The following TPP2 variants were observed in gnomAD, a reference collection of about 807,000 sequenced individuals.
TPP2 encodes the protein tripeptidyl peptidase 2.
A neutral mutation model predicts 155.9 loss-of-function variants in TPP2; 34 were observed. The observed-to-expected ratio is 0.22, with a 90% confidence interval of 0.17 to 0.29. The LOEUF is 0.29. TPP2 is among the 10% of genes least tolerant of loss of function. The pLI is 1.00. For synonymous variants in TPP2, 510 were observed against 529.4 expected (o/e 0.96, Z 0.50); for missense variants, 1,028 against 1,522.3 (o/e 0.68, Z 5.40).
intron 25 of TPP2, 122 bp from the exon 26 acceptor site, chr13:102,663,520 ATACTTG>A: frequency 1.6e-6 from 1 of 623,922 alleles, no homozygotes. Context: ...GTCAATGACT[ATACTTG>A]TATTTCAAAT....
chr13:102,657,416 T>C (rs572650284), intron 25 of TPP2, among the ~76,000 whole-genome samples: 20 of 151,900 alleles, frequency 1.3e-4, no homozygotes, highest in African/African-American at 4.1e-4. Flanking sequence ...TGTTTTAATT[T>C]TTATTTTAAT....
intron 25 of TPP2, 78 bp downstream of exon 25, chr13:102,657,285 C>T (rs1883922654): frequency 8.4e-7 from 1 of 1,185,606 alleles, no homozygotes; most frequent in African/African-American, 1.6e-5. Context: ...TGTATATATA[C>T]ATAGACCGTA....
At chr13:102,676,645 C>G (rs1026900044) in intron 29 of TPP2, among the ~76,000 whole-genome samples, 1 of 152,132 alleles carries the variant, frequency 6.6e-6, no homozygotes, top group Non-Finnish European at 1.5e-5. Flanking sequence ...ATACTAGCCT[C>G]AAATGTTTTC....
intron 1 of TPP2, among the ~76,000 whole-genome samples, chr13:102,602,590 C>A (rs1879510260): frequency 6.6e-6 from 1 of 152,166 alleles, no homozygotes; most frequent in African/African-American, 2.4e-5. Flanking sequence ...GGTCCACCAA[C>A]CACCCATTTG....
At position 102,618,846 on chromosome 13, in the gene TPP2, G is replaced by A; in HGVS notation, c.620G>A (p.Arg207Lys). 6.3e-7 allele frequency: 1 copy of A among 1,599,302 alleles called. No individual in the cohort carries two copies. The change falls in exon 5 of 30, where the codon AGA becomes AAA. Residue 207 changes from arginine (R) to lysine (K), a missense_variant and splice_region_variant. Physicochemically the swap from Arg to Lys is conservative, Grantham distance 26. Around this residue, in one of 7 missense-constraint regions of TPP2, gnomAD observed 300 missense variants for 398.3 expected, o/e 0.75. Transcript: ENST00000376052. ...GTATGGCATGATGGCGAAGTCTGGAGGTAAACTTCGTGTATTTTATACATC... is the reference window on the plus strand; with the variant it reads ...GTATGGCATGATGGCGAAGTCTGGAAGTAAACTTCGTGTATTTTATACATC... ...CLVWHDGEVWRACIDSNEDGD... is the reference protein window; with the variant it reads ...CLVWHDGEVWKACIDSNEDGD...
rs190333415 is a variant in TPP2, at chr13:102,610,171, A to G, written c.295-3930A>G. 2.4e-3 allele frequency among the ~76,000 whole-genome samples: 362 copies of G among 152,354 alleles called. 1 individual carries two copies. The highest frequency in any genetic ancestry group is 4.2e-3 in the Non-Finnish European group (289 of 68,024). Reference sequence around the variant, plus strand: ...CTTTAGTACATAGTTTTCAGAAAGCAGCACAATGAAGTCTTCAAGTTTCTT... The same window carrying G: ...CTTTAGTACATAGTTTTCAGAAAGCGGCACAATGAAGTCTTCAAGTTTCTT... On this transcript the variant is annotated intron_variant, in intron 2 of 29. Transcript: ENST00000376052.
intron 11 of TPP2, 57 bp from the exon 12 acceptor site, chr13:102,635,530 C>A: frequency 8.1e-7 from 1 of 1,241,148 alleles, no homozygotes. Context: ...TACTGGTGGG[C>A]GGCTAAGGTT....
chr13:102,645,845 G>C (rs1345959180), intron 19 of TPP2, among the ~76,000 whole-genome samples: 1 of 152,090 alleles, frequency 6.6e-6, no homozygotes. Context: ...ACATTCCCTC[G>C]GCCAGGAGGA....
At chr13:102,628,065 T>C in intron 8 of TPP2, 141 bp downstream of exon 8, 1 of 674,336 alleles carries the variant, frequency 1.5e-6, no homozygotes, top group Non-Finnish European at 2.5e-6. Flanking sequence ...CAAGAGGACT[T>C]TCATCCTCTT....
At position 102,640,471 on chromosome 13, in the gene TPP2, C is replaced by T. The variant is rs1882678553; in HGVS notation, c.2020+95C>T. On this transcript the variant is annotated intron_variant, in intron 16 of 29. Transcript: ENST00000376052. ...TTCGTTTATCTGTAGCATGTATTTC[C>T]CTGGTACTAATATATGTATTTGGGT... is the stretch of plus-strand genomic sequence containing the variant. 4 of 932,124 alleles carry T rather than the reference C, an allele frequency of 4.3e-6. No individual in the cohort carries two copies. The South Asian group carries it at 4.5e-5, about 11-fold the overall frequency. The allele number at this position is 932,124 out of a possible 1,614,324, so 57.7% of individuals were successfully genotyped here. A position where few individuals can be genotyped will look rare whatever the true frequency, so the allele number is the denominator to read the frequency against.
intron 21 of TPP2, 103 bp from the exon 22 acceptor site, chr13:102,648,804 A>C: frequency 7.0e-7 from 1 of 1,423,818 alleles, no homozygotes; most frequent in South Asian, 1.5e-5. Flanking sequence ...CTCACATATT[A>C]TGAACAAGTC....
Position 102,678,835 on chromosome 13 carries a change from A to T in TPP2, c.*519A>T, listed in dbSNP as rs553314985. ...TTTTTTTTGGCAAATGTTTACATTC[A>T]ATTAAGGGGAAAAAGTAGAACCAGC... On this transcript the variant is annotated 3_prime_UTR_variant, in exon 30 of 30. Transcript: ENST00000376052. The T allele has an allele frequency of 4.1e-5, 6 of 144,972 alleles. No homozygotes were observed. The highest frequency in any genetic ancestry group is 1.6e-4 in the African/African-American group (6 of 38,618). 9.0% of individuals were successfully genotyped at this position (144,972 alleles called of 1,614,324 possible). A position where few individuals can be genotyped will look rare whatever the true frequency, so the allele number is the denominator to read the frequency against.
At chr13:102,631,038 G>T (rs779158269) in intron 10 of TPP2, among the ~76,000 whole-genome samples, 8 of 152,188 alleles carry the variant, frequency 5.3e-5, no homozygotes, top group Non-Finnish European at 1.0e-4. Context: ...TGACCTTAAA[G>T]GATGGATAGG....
In TPP2 at chr13:102,676,030, A is replaced by G. The variant is rs1054028558; in HGVS notation, c.3580-266A>G. Among the ~76,000 whole-genome samples, 4 of 152,190 alleles carry G rather than the reference A, an allele frequency of 2.6e-5. No individual in the cohort carries two copies. In the East Asian group the frequency reaches 7.7e-4, roughly 29 times the overall value. ...TTATGTTAGCTCTGGTTTCTTGTGC[A>G]TGAAGAGGTATTTTTAAGTGGATTT... On this transcript the variant is annotated intron_variant, in intron 28 of 29. Transcript: ENST00000376052.
intron 23 of TPP2, among the ~76,000 whole-genome samples, chr13:102,650,248 A>G (rs1745656489): frequency 6.6e-6 from 1 of 152,142 alleles, no homozygotes; most frequent in Non-Finnish European, 1.5e-5. Context: ...TGTCATTCTT[A>G]ACAGTTTTGC....
intron 1 of TPP2, among the ~76,000 whole-genome samples, chr13:102,604,001 G>A (rs1422661401): frequency 2.0e-5 from 3 of 152,178 alleles, no homozygotes; most frequent in East Asian, 1.9e-4. Flanking sequence ...TGTTAGCTTC[G>A]CTGTGAGGAG....
chr13:102,603,635 CGAGGCT>C (rs1361584417), intron 1 of TPP2, among the ~76,000 whole-genome samples: 1 of 152,078 alleles, frequency 6.6e-6, no homozygotes, highest in African/African-American at 2.4e-5. Context: ...TCAGATGGTG[CGAGGCT>C]TTTTATGCGA....
intron 25 of TPP2, among the ~76,000 whole-genome samples, chr13:102,662,767 A>C (rs1249947471): frequency 6.6e-6 from 1 of 152,130 alleles, no homozygotes; most frequent in African/African-American, 2.4e-5. Context: ...CTTTAATGTA[A>C]GTTACCCACT....
chr13:102,674,407 G>C lies in TPP2; in HGVS notation c.3496G>C (p.Glu1166Gln). The stretch of plus-strand genomic sequence containing the variant: ...CATTTCCACTGATGCAGAAGGAAAG[G>C]AGGAGGAAGGAGAAAGTCCTTTGGA... ...GAISTDAEGK[E>Q]EEGESPLDSL... The change falls in exon 28 of 30, where the codon GAG becomes CAG. Residue 1166 changes from glutamate (E) to glutamine (Q), a missense_variant. Physicochemically the swap from Glu to Gln is conservative, Grantham distance 29 (BLOSUM62 2). This residue lies in a region of TPP2 where 116 missense variants were observed against 117.3 expected (regional missense o/e 0.99). Transcript: ENST00000376052. 1 of 1,613,982 alleles carries C rather than the reference G, an allele frequency of 6.2e-7. No individual in the cohort carries two copies. The highest frequency in any genetic ancestry group is 8.5e-7 in the Non-Finnish European group (1 of 1,179,884).
Sources: gnomAD v4.1 joint callset for allele counts (sites outside exome capture counted in the v4.1 genomes callset) on GRCh38, gnomAD v4.1.1 for gene constraint, gnomAD v4.1.1 regional missense constraint, MANE v1.5 for transcripts, NCBI Gene and HGNC (gene_info 2026-07-23, HGNC 2026-07-21) for gene names.